Variants in ZDHHC21 observed in about 807,000 individuals in gnomAD.
ZDHHC21 encodes zDHHC palmitoyltransferase 21.
ZDHHC21 carries 15 observed loss-of-function variants against 34.6 expected under a neutral mutation model. That is an observed-to-expected ratio of 0.43 (90% CI 0.29 to 0.67). The LOEUF is 0.67. Ranked by LOEUF, ZDHHC21 falls within the 30% of genes least tolerant of loss-of-function variation. The probability of loss-of-function intolerance (pLI) is 0.14; values close to 1 mark genes in which losing one functional copy is unlikely to be tolerated. For synonymous variants in ZDHHC21, 142 were observed against 101.8 expected (o/e 1.40, Z -2.38); for missense variants, 344 against 327.7 (o/e 1.05, Z -0.38).
chr9:14,592,843 T>C, the ZDHHC21 span, among the ~76,000 whole-genome samples: 1 of 152,124 alleles, frequency 6.6e-6, no homozygotes, highest in Non-Finnish European at 1.5e-5. Flanking sequence ...GGAATTAAAT[T>C]AGAAATCAAC....
intron 8 of ZDHHC21, among the ~76,000 whole-genome samples, chr9:14,623,569 G>A (rs1354267292): frequency 3.4e-5 from 5 of 145,042 alleles, no homozygotes; most frequent in Non-Finnish European, 7.5e-5. Context: ...CTAAAGAATG[G>A]AAGAAAATCT....
the ZDHHC21 span, among the ~76,000 whole-genome samples, chr9:14,596,401 G>A: frequency 6.6e-6 from 1 of 152,224 alleles, no homozygotes; most frequent in Admixed American, 6.5e-5. Context: ...GAAGGAGTGT[G>A]TGTAAGATGG....
At chr9:14,649,010 G>C (rs1316366678) in intron 7 of ZDHHC21, among the ~76,000 whole-genome samples, 1 of 151,794 alleles carries the variant, frequency 6.6e-6, no homozygotes, top group South Asian at 2.1e-4. Flanking sequence ...CACTCGGCTG[G>C]ATAATGTTTT....
At chr9:14,628,355 GATTT>G (rs1351061153) in intron 8 of ZDHHC21, among the ~76,000 whole-genome samples, 11 of 152,232 alleles carry the variant, frequency 7.2e-5, no homozygotes, top group African/African-American at 2.6e-4. Context: ...TGAGATAAAT[GATTT>G]ATTTATTCCA....
intron 7 of ZDHHC21, among the ~76,000 whole-genome samples, chr9:14,655,642 GAAT>G (rs1165586230): frequency 2.0e-5 from 3 of 151,446 alleles, no homozygotes; most frequent in Non-Finnish European, 3.0e-5. Context: ...AAAAAAATCA[GAAT>G]AATGTTTTCA....
At chr9:14,684,813 C>T (rs1284617104) in intron 2 of ZDHHC21, among the ~76,000 whole-genome samples, 1 of 152,170 alleles carries the variant, frequency 6.6e-6, no homozygotes, top group African/African-American at 2.4e-5. Context: ...CACTACAAGG[C>T]TACAGTAACC....
chr9:14,640,513 A>G (rs1385766036), intron 7 of ZDHHC21, among the ~76,000 whole-genome samples: 1 of 152,178 alleles, frequency 6.6e-6, no homozygotes, highest in African/African-American at 2.4e-5. Flanking sequence ...GAGAAATCAT[A>G]TATAATAGGA....
In ZDHHC21 at chr9:14,652,894, A is replaced by G. The variant is rs115476372; in HGVS notation, c.504+5855T>C. Among the ~76,000 whole-genome samples, 1,408 of 152,092 alleles carry G rather than the reference A, an allele frequency of 9.3e-3. 16 individuals carry two copies. The highest frequency in any genetic ancestry group is 0.031 in the African/African-American group (1,292 of 41,530). On this transcript the variant is annotated intron_variant, in intron 7 of 9. Coordinates refer to ENST00000380916, the MANE Select transcript of ZDHHC21 (RefSeq NM_178566.6). The stretch of plus-strand genomic sequence containing the variant: ...AACACTTTCTCTTCTGACCCAGGCA[A>G]TTCCATTCAGCTTTGGAATTTAAAG...
rs1273583938 is a variant in ZDHHC21, at chr9:14,613,918, C to G, written c.*5048G>C. On this transcript the variant is annotated 3_prime_UTR_variant, in exon 10 of 10. Coordinates refer to ENST00000380916, the MANE Select transcript of ZDHHC21 (RefSeq NM_178566.6). ...ATTTTTAACACTTCACATGATCATA[C>G]TCTACACAATTATATTTAAAACTAA... The G allele has an allele frequency of 6.6e-6, 1 of 151,680 alleles. No individual in the cohort carries two copies. Among genetic ancestry groups the G allele is most frequent in the African/African-American group, 2.4e-5 (1 of 41,380 alleles). 9.4% of individuals were successfully genotyped at this position (151,680 alleles called of 1,614,324 possible). A position where few individuals can be genotyped will look rare whatever the true frequency, so the allele number is the denominator to read the frequency against.
chr9:14,662,174 A>T, intron 6 of ZDHHC21, 41 bp downstream of exon 6: 5 of 1,392,444 alleles, frequency 3.6e-6, no homozygotes, highest in Non-Finnish European at 5.0e-6. Flanking sequence ...ACATTTTATT[A>T]CCCACCCCTC....
At chr9:14,676,173 G>A (rs1027726672) in intron 3 of ZDHHC21, among the ~76,000 whole-genome samples, 3 of 151,982 alleles carry the variant, frequency 2.0e-5, no homozygotes, top group Non-Finnish European at 4.4e-5. Flanking sequence ...TAGGCTAAGA[G>A]AAGGCAAAAG....
chr9:14,600,573 T>C, the ZDHHC21 span, among the ~76,000 whole-genome samples: 2 of 152,284 alleles, frequency 1.3e-5, no homozygotes, highest in South Asian at 2.1e-4. Context: ...AATGGCCATA[T>C]TGCCCAAAGT....
At chr9:14,628,923 A>T (rs1564218766) in intron 8 of ZDHHC21, among the ~76,000 whole-genome samples, 1 of 152,204 alleles carries the variant, frequency 6.6e-6, no homozygotes, top group Non-Finnish European at 1.5e-5. Flanking sequence ...AATCAATGTG[A>T]GGAAGAGTAT....
chr9:14,599,840 G>A, the ZDHHC21 span, among the ~76,000 whole-genome samples: 7,447 of 152,132 alleles, frequency 0.049, 248 homozygotes, highest in Non-Finnish European at 0.071. Context: ...GGGATGCAAG[G>A]CTGGTTCAAT....
In ZDHHC21 at chr9:14,679,665, C is replaced by A. The variant is rs142513465; in HGVS notation, c.-46+368G>T. ...AAAAATAAAGATAACCTAAGAGACA[C>A]TAAACTTACAAACTAACTGTTTAAT... is the stretch of plus-strand genomic sequence containing the variant. On this transcript the variant is annotated intron_variant, in intron 3 of 9. Coordinates refer to ENST00000380916, the MANE Select transcript of ZDHHC21 (RefSeq NM_178566.6). 9.7e-3 allele frequency among the ~76,000 whole-genome samples: 1,478 copies of A among 152,212 alleles called. 9 individuals carry two copies. Among genetic ancestry groups the A allele is most frequent in the Non-Finnish European group, 0.017 (1,176 of 67,994 alleles).
chr9:14,643,914 T>C (rs77972181), intron 7 of ZDHHC21, among the ~76,000 whole-genome samples: 3,202 of 152,308 alleles, frequency 0.021, 118 homozygotes, highest in African/African-American at 0.073. Flanking sequence ...TTGTAATAAG[T>C]CTCAATACCT....
chr9:14,618,986 G>T lies in ZDHHC21; in HGVS notation c.778C>A (p.His260Asn). 1 of 1,610,248 alleles carries T rather than the reference G, an allele frequency of 6.2e-7. No homozygotes were observed. The highest frequency in any genetic ancestry group is 1.3e-5 in the African/African-American group (1 of 74,772). Residue 260 changes from histidine (H) to asparagine (N), a missense_variant, in exon 10 of 10, where the codon CAC becomes AAC. Coordinates refer to ENST00000380916, the MANE Select transcript of ZDHHC21 (RefSeq NM_178566.6). ...RQRQPLRVPY[H>N]FANHV Reference sequence around the variant, plus strand: ...TCTGTTTAGACATGATTGGCAAAGTGGTAGGGAACTCGCAGTGGTTGCCTC... The same window carrying T: ...TCTGTTTAGACATGATTGGCAAAGTTGTAGGGAACTCGCAGTGGTTGCCTC...
chr9:14,684,636 T>C (rs1413994381), intron 2 of ZDHHC21, among the ~76,000 whole-genome samples: 1 of 151,804 alleles, frequency 6.6e-6, no homozygotes, highest in Non-Finnish European at 1.5e-5. Context: ...CCCAAGGTAA[T>C]TTACAGATTC....
intron 6 of ZDHHC21, among the ~76,000 whole-genome samples, chr9:14,660,091 C>T (rs540082971): frequency 1.4e-4 from 22 of 152,040 alleles, no homozygotes; most frequent in African/African-American, 3.4e-4. Flanking sequence ...TCAGGCCAGG[C>T]GCGGTGACTC....
Sources: allele counts gnomAD v4.1 joint callset (sites outside exome capture counted in the v4.1 genomes callset), GRCh38; gene constraint gnomAD v4.1.1; transcripts MANE v1.5; gene names NCBI Gene and HGNC (gene_info 2026-07-23, HGNC 2026-07-21).